ALK: variants seen among roughly 807,000 people sequenced by gnomAD.
The protein encoded by ALK is ALK tyrosine kinase receptor.
In ALK, 74 loss-of-function variants were observed where a neutral mutation model predicts 163.1. The ratio of observed to expected loss-of-function variants is 0.45; its 90% CI spans 0.38 to 0.55. ALK has a LOEUF of 0.55. ALK is among the 20% of genes least tolerant of loss of function. ALK has a pLI of 0.00. For synonymous variants in ALK, 960 were observed against 843.2 expected (o/e 1.14, Z -2.40); for missense variants, 2,063 against 2,105.3 (o/e 0.98, Z 0.39).
chr2:29,846,706 A>G (rs1284563849), intron 1 of ALK, among the ~76,000 whole-genome samples: 1 of 152,216 alleles, frequency 6.6e-6, no homozygotes, highest in Non-Finnish European at 1.5e-5. Flanking sequence ...AAAGTCTGGC[A>G]ACTTCCTTAC....
chr2:29,225,316 G>A (rs1247045281), intron 19 of ALK, 145 bp downstream of exon 19: 3 of 759,864 alleles, frequency 3.9e-6, no homozygotes, highest in Non-Finnish European at 6.6e-6. Context: ...TTTTGGCTTG[G>A]CCTGGGCTGC....
chr2:29,871,525 A>G (rs1666575821), intron 1 of ALK, among the ~76,000 whole-genome samples: 1 of 152,196 alleles, frequency 6.6e-6, no homozygotes, highest in Non-Finnish European at 1.5e-5. Flanking sequence ...AGGAAAAATC[A>G]AATCAGAGCA....
At chr2:29,909,482 G>GAC (rs1553378800) in intron 1 of ALK, among the ~76,000 whole-genome samples, 9 of 99,194 alleles carry the variant, frequency 9.1e-5, no homozygotes, top group African/African-American at 3.9e-4. Context: ...CAGACAGACA[G>GAC]AGAGAGAGAG....
chr2:29,506,588 T>C (rs1573411280), intron 4 of ALK, among the ~76,000 whole-genome samples: 1 of 151,900 alleles, frequency 6.6e-6, no homozygotes. Context: ...TTACTAAAAA[T>C]ACAAAAAATT....
chr2:29,531,586 T>C (rs550633268), intron 4 of ALK, among the ~76,000 whole-genome samples: 1 of 152,308 alleles, frequency 6.6e-6, no homozygotes, highest in South Asian at 2.1e-4. Flanking sequence ...ACTTTCATTC[T>C]GGCCTTTTAA....
intron 24 of ALK, among the ~76,000 whole-genome samples, chr2:29,212,170 C>G (rs1022488606): frequency 6.6e-6 from 1 of 152,150 alleles, no homozygotes; most frequent in East Asian, 1.9e-4. Context: ...ATCTGGCCAC[C>G]AGGTGACGCG....
At chr2:29,530,112 C>G (rs1295996670) in intron 4 of ALK, among the ~76,000 whole-genome samples, 1 of 114,944 alleles carries the variant, frequency 8.7e-6, no homozygotes, top group African/African-American at 3.2e-5. Flanking sequence ...TTCCCTTTCT[C>G]TTTCCCAACT....
intron 4 of ALK, among the ~76,000 whole-genome samples, chr2:29,497,766 G>A (rs574119884): frequency 2.0e-5 from 3 of 152,230 alleles, no homozygotes; most frequent in South Asian, 2.1e-4. Context: ...CATGTAGGGT[G>A]CCTTGAAAAA....
chr2:29,872,903 C>T (rs1051783609), intron 1 of ALK, among the ~76,000 whole-genome samples: 1 of 152,182 alleles, frequency 6.6e-6, no homozygotes, highest in Non-Finnish European at 1.5e-5. Flanking sequence ...TCCCACTGCC[C>T]AAAGATGTGT....
At chr2:29,574,650 G>A (rs539065980) in intron 3 of ALK, among the ~76,000 whole-genome samples, 62 of 152,370 alleles carry the variant, frequency 4.1e-4, no homozygotes, top group African/African-American at 1.3e-3. Flanking sequence ...ACCTCTGGGC[G>A]TGCAGGCAGG....
intron 12 of ALK, among the ~76,000 whole-genome samples, 191 bp downstream of exon 12, chr2:29,250,914 C>A (rs1389692912): frequency 1.3e-5 from 2 of 152,208 alleles, no homozygotes; most frequent in African/African-American, 4.8e-5. Flanking sequence ...AAGGACACAT[C>A]TTCTTTTGTT....
chr2:29,737,673 G>A (rs1423758325), intron 1 of ALK, among the ~76,000 whole-genome samples: 1 of 152,056 alleles, frequency 6.6e-6, no homozygotes, highest in East Asian at 1.9e-4. Context: ...AATACAACAA[G>A]CAGGTGGTAG....
chr2:29,905,054 G>C (rs563352121), intron 1 of ALK, among the ~76,000 whole-genome samples: 1 of 152,192 alleles, frequency 6.6e-6, no homozygotes, highest in Non-Finnish European at 1.5e-5. Flanking sequence ...ATAAAGGAGA[G>C]GACATGTGGG....
chr2:29,251,076 C>G (rs752571666), intron 12 of ALK, 29 bp downstream of exon 12: 1 of 1,608,446 alleles, frequency 6.2e-7, no homozygotes, highest in East Asian at 2.2e-5. Flanking sequence ...GGGTGGTCTG[C>G]CCCTCCCCTC....
intron 5 of ALK, among the ~76,000 whole-genome samples, chr2:29,371,465 G>A (rs1437127988): frequency 6.6e-6 from 1 of 152,176 alleles, no homozygotes; most frequent in Non-Finnish European, 1.5e-5. Context: ...TCTGGGTAGG[G>A]AGGAAGTAAA....
At chr2:29,822,976 T>C (rs923551462) in intron 1 of ALK, among the ~76,000 whole-genome samples, 11 of 152,216 alleles carry the variant, frequency 7.2e-5, no homozygotes, top group African/African-American at 2.7e-4. Context: ...TCTCTGCTGA[T>C]ATGGTTTGAC....
chr2:29,552,479 A>C (rs1370372805), intron 3 of ALK, among the ~76,000 whole-genome samples: 1 of 152,178 alleles, frequency 6.6e-6, no homozygotes, highest in East Asian at 1.9e-4. Context: ...ATACACAAAG[A>C]TTCTAATTTC....
At chr2:29,670,221 C>T (rs1677640153) in intron 3 of ALK, among the ~76,000 whole-genome samples, 1 of 152,036 alleles carries the variant, frequency 6.6e-6, no homozygotes, top group South Asian at 2.1e-4. Flanking sequence ...TGAAGTTTCT[C>T]AGCTTTTATT....
At chr2:29,546,605 C>A (rs565397290) in intron 3 of ALK, among the ~76,000 whole-genome samples, 1 of 152,294 alleles carries the variant, frequency 6.6e-6, no homozygotes, top group African/African-American at 2.4e-5. Context: ...GAGAGAGAAG[C>A]ACAAAGTCAG....
Sources: gnomAD v4.1 joint callset for allele counts (sites outside exome capture counted in the v4.1 genomes callset) on GRCh38, gnomAD v4.1.1 for gene constraint, MANE v1.5 for transcripts, NCBI Gene and HGNC (gene_info 2026-07-23, HGNC 2026-07-21) for gene names.